CHL1: variants seen among roughly 807,000 people sequenced by gnomAD.
CHL1 encodes the protein neural cell adhesion molecule L1-like protein.
In CHL1, 96 loss-of-function variants were observed where a neutral mutation model predicts 141.9. The ratio of observed to expected loss-of-function variants is 0.68; its 90% CI spans 0.57 to 0.80. CHL1 has a LOEUF of 0.80. Among genes scored for constraint, CHL1 ranks in the 30% least tolerant of loss-of-function variants. The probability of loss-of-function intolerance (pLI) is 0.00; values close to 1 mark genes in which losing one functional copy is unlikely to be tolerated. For missense variants in CHL1, 1,820 were observed against 1,457.2 expected (o/e 1.25, Z -4.05); for synonymous variants, 613 against 502.2 (o/e 1.22, Z -2.95).
At chr3:396,718 T>A (rs1708703490) in intron 24 of CHL1, among the ~76,000 whole-genome samples, 1 of 152,172 alleles carries the variant, frequency 6.6e-6, no homozygotes, top group African/African-American at 2.4e-5. Context: ...TTTTCAGGAA[T>A]CCACATTTTC....
At chr3:391,501 C>T (rs992600242) in intron 22 of CHL1, among the ~76,000 whole-genome samples, 174 bp from the exon 23 acceptor site, 2 of 152,104 alleles carry the variant, frequency 1.3e-5, no homozygotes, top group African/African-American at 4.8e-5. Flanking sequence ...GCCTGGGCCA[C>T]GTGAGACTCT....
intron 9 of CHL1, among the ~76,000 whole-genome samples, 172 bp from the exon 10 acceptor site, chr3:349,187 G>A (rs1419201650): frequency 6.6e-6 from 1 of 152,152 alleles, no homozygotes; most frequent in African/African-American, 2.4e-5. Flanking sequence ...CAACACCAGT[G>A]TTCACTATTG....
intron 10 of CHL1, among the ~76,000 whole-genome samples, 199 bp from the exon 11 acceptor site, chr3:354,433 GCACACACA>G (rs3836376): frequency 4.7e-5 from 7 of 149,356 alleles, no homozygotes; most frequent in Non-Finnish European, 8.9e-5. Flanking sequence ...TTAAACACAA[GCACACACA>G]CACACACACA....
rs1238336622 is a variant in CHL1, at chr3:405,756, A to G, written c.*45A>G. 1 of 1,431,572 alleles carries G rather than the reference A, an allele frequency of 7.0e-7. No homozygotes were observed. Among genetic ancestry groups the G allele is most frequent in the Non-Finnish European group, 9.8e-7 (1 of 1,016,780 alleles). The allele number at this position is 1,431,572 out of a possible 1,614,324, so 88.7% of individuals were successfully genotyped here. A position where few individuals can be genotyped will look rare whatever the true frequency, so the allele number is the denominator to read the frequency against. Reference sequence around the variant, plus strand: ...CGCTACTGGTTCACCCCAACCTTCCATATTTATCTGTTCAAAGGAGCAAGA... The same window carrying G: ...CGCTACTGGTTCACCCCAACCTTCCGTATTTATCTGTTCAAAGGAGCAAGA... On this transcript the variant is annotated 3_prime_UTR_variant, in exon 28 of 28. Coordinates refer to ENST00000256509, the MANE Select transcript of CHL1 (RefSeq NM_006614.4).
In CHL1 at chr3:364,872, G is replaced by A. The variant is rs539481289; in HGVS notation, c.1586-1078G>A. Among the ~76,000 whole-genome samples, 18 of 152,236 alleles carry A rather than the reference G, an allele frequency of 1.2e-4. No homozygotes were observed. In the South Asian group the frequency reaches 3.7e-3, roughly 32 times the overall value. ...CATAAAGTTGTTATAATTATAAAAT[G>A]CCACAATGAATATGCATTACTTAGC... On this transcript the variant is annotated intron_variant, in intron 14 of 27. Coordinates refer to ENST00000256509, the MANE Select transcript of CHL1 (RefSeq NM_006614.4).
At chr3:381,227 A>G (rs953006247) in intron 16 of CHL1, among the ~76,000 whole-genome samples, 3 of 152,148 alleles carry the variant, frequency 2.0e-5, no homozygotes, top group Non-Finnish European at 2.9e-5. Flanking sequence ...ACATGTGGAG[A>G]TGCTGCATTT....
chr3:266,649 G>A (rs1238502834), intron 2 of CHL1, among the ~76,000 whole-genome samples: 1 of 152,142 alleles, frequency 6.6e-6, no homozygotes, highest in Non-Finnish European at 1.5e-5. Context: ...GCATCAAAGG[G>A]TTAAAGTTGA....
intron 19 of CHL1, 82 bp downstream of exon 19, chr3:383,968 C>A: frequency 2.4e-6 from 2 of 848,486 alleles, no homozygotes; most frequent in South Asian, 1.8e-5. Context: ...AATGATAGCA[C>A]AACATTTTTT....
chr3:384,934 T>G (rs911005574), intron 19 of CHL1, among the ~76,000 whole-genome samples: 2 of 152,218 alleles, frequency 1.3e-5, no homozygotes, highest in Non-Finnish European at 2.9e-5. Flanking sequence ...TCAATATTTT[T>G]TAGATCAAAA....
chr3:337,588 T>A (rs1702002968), intron 5 of CHL1, among the ~76,000 whole-genome samples: 1 of 147,896 alleles, frequency 6.8e-6, no homozygotes, highest in Admixed American at 6.7e-5. Context: ...CATTGTTCAA[T>A]TCCCACTTAT....
intron 26 of CHL1, among the ~76,000 whole-genome samples, chr3:400,115 G>T (rs1455179822): frequency 2.0e-5 from 3 of 152,162 alleles, no homozygotes; most frequent in African/African-American, 7.2e-5. Context: ...TTTATAAAGG[G>T]ACAAAGATTT....
chr3:219,719 G>A (rs1225458340), intron 1 of CHL1, among the ~76,000 whole-genome samples: 1 of 152,198 alleles, frequency 6.6e-6, no homozygotes, highest in Non-Finnish European at 1.5e-5. Context: ...GGAGGAGGGA[G>A]AGGATCAGAA....
chr3:281,559 CTTTT>C (rs71619446), intron 2 of CHL1, among the ~76,000 whole-genome samples: 62 of 135,284 alleles, frequency 4.6e-4, no homozygotes, highest in African/African-American at 5.8e-4. Context: ...CAATTTGTAC[CTTTT>C]TTTTTTTTTT....
chr3:337,329 C>T lies in CHL1; in HGVS notation c.386-3465C>T, dbSNP rs553633363. Among the ~76,000 whole-genome samples the T allele has an allele frequency of 7.0e-3, 1,041 of 149,482 alleles. 10 individuals are homozygous for T. Among genetic ancestry groups the T allele is most frequent in the African/African-American group, 0.023 (959 of 40,996 alleles). On this transcript the variant is annotated intron_variant, in intron 5 of 27. Transcript: ENST00000256509. ...CCTCAGCCTCCCGAGTAGCTGGGAC[C>T]ACAGGCGCCCGCCACCACGCCCGGC...
intron 2 of CHL1, among the ~76,000 whole-genome samples, chr3:250,394 A>G (rs1220990890): frequency 6.6e-6 from 1 of 152,140 alleles, no homozygotes; most frequent in Non-Finnish European, 1.5e-5. Flanking sequence ...AAGACAAAGG[A>G]AAAGAGATTT....
intron 11 of CHL1, among the ~76,000 whole-genome samples, chr3:359,745 C>G (rs1704041025): frequency 6.6e-6 from 1 of 152,114 alleles, no homozygotes; most frequent in Non-Finnish European, 1.5e-5. Flanking sequence ...ATGAAATATA[C>G]AAGCAATGTA....
Position 389,285 on chromosome 3 carries a change from C to T in CHL1, c.2281C>T (p.Leu761=), listed in dbSNP as rs115357599. Residue 761 remains leucine, a synonymous_variant, in exon 20 of 28, where the codon CTA becomes TTA. Transcript: ENST00000256509. ...LKSMEQNGPG[L]EYRVTWKPQG... ...ATCCATGGAGCAGAATGGACCAGGC[C>T]TAGAGTACAGAGTGACCTGGAAGCC... 0.012 allele frequency: 19,173 copies of T among 1,613,154 alleles called. 150 individuals are homozygous for T. Among genetic ancestry groups the T allele is most frequent in the Middle Eastern group, 0.025 (150 of 6,038 alleles).
At chr3:364,947 T>C (rs1394925560) in intron 14 of CHL1, among the ~76,000 whole-genome samples, 1 of 152,244 alleles carries the variant, frequency 6.6e-6, no homozygotes, top group Non-Finnish European at 1.5e-5. Flanking sequence ...TATTATTAAA[T>C]GAATTTCTGG....
intron 2 of CHL1, among the ~76,000 whole-genome samples, chr3:305,906 CAGT>C (rs1168945480): frequency 6.6e-6 from 1 of 151,832 alleles, no homozygotes; most frequent in Non-Finnish European, 1.5e-5. Context: ...ATGATAAAAA[CAGT>C]AGTTCTTAGA....
Sources: gnomAD v4.1 joint callset for allele counts (sites outside exome capture counted in the v4.1 genomes callset) on GRCh38, gnomAD v4.1.1 for gene constraint, MANE v1.5 for transcripts, NCBI Gene and HGNC (gene_info 2026-07-23, HGNC 2026-07-21) for gene names.